SMAP1: variants seen among roughly 807,000 people sequenced by gnomAD.
SMAP1 encodes stromal membrane-associated protein 1.
SMAP1 carries 24 observed loss-of-function variants against 58.5 expected under a neutral mutation model. The ratio of observed to expected loss-of-function variants is 0.41; its 90% CI spans 0.30 to 0.58. The LOEUF is 0.58. Ranked by LOEUF, SMAP1 falls within the 20% of genes least tolerant of loss-of-function variation. The probability of loss-of-function intolerance (pLI) is 0.29; values close to 1 mark genes in which losing one functional copy is unlikely to be tolerated. For missense variants in SMAP1, 563 were observed against 566.3 expected, an observed-to-expected ratio of 0.99 and a Z score of 0.06; for synonymous variants, 216 against 196.6, an observed-to-expected ratio of 1.10 and a Z score of -0.82.
At chr6:70,678,500 TAACAG>T (rs1277688693) in intron 1 of SMAP1, among the ~76,000 whole-genome samples, 1 of 152,222 alleles carries the variant, frequency 6.6e-6, no homozygotes, top group Non-Finnish European at 1.5e-5. Context: ...ACAAAAAAAT[TAACAG>T]AAGAATGTTT....
chr6:70,752,184 A>G (rs1337177340), intron 2 of SMAP1, among the ~76,000 whole-genome samples: 2 of 152,190 alleles, frequency 1.3e-5, no homozygotes, highest in Admixed American at 6.5e-5. Context: ...CTAATGCATT[A>G]TATTAACCAG....
intron 2 of SMAP1, among the ~76,000 whole-genome samples, chr6:70,746,335 G>A (rs560663083): frequency 6.6e-6 from 1 of 152,134 alleles, no homozygotes; most frequent in East Asian, 1.9e-4. Flanking sequence ...TTATTATTTT[G>A]AGATACATTC....
At chr6:70,675,670 A>G (rs983268361) in intron 1 of SMAP1, among the ~76,000 whole-genome samples, 2 of 152,040 alleles carry the variant, frequency 1.3e-5, no homozygotes, top group East Asian at 1.9e-4. Flanking sequence ...AAAAAAAGAA[A>G]AAAACAACTT....
chr6:70,675,575 C>T (rs560633342), intron 1 of SMAP1, among the ~76,000 whole-genome samples: 6 of 150,810 alleles, frequency 4.0e-5, no homozygotes, highest in African/African-American at 9.8e-5. Context: ...CACTTGAAAC[C>T]GGAATGCGGA....
At chr6:70,755,735 G>A (rs1054332934) in intron 3 of SMAP1, among the ~76,000 whole-genome samples, 4 of 151,930 alleles carry the variant, frequency 2.6e-5, no homozygotes, top group Non-Finnish European at 4.4e-5. Flanking sequence ...GAAAGTATAT[G>A]CTGTTTATTA....
chr6:70,788,468 A>G (rs1768179861), intron 4 of SMAP1, among the ~76,000 whole-genome samples: 1 of 151,980 alleles, frequency 6.6e-6, no homozygotes, highest in African/African-American at 2.4e-5. Flanking sequence ...ATAAAAAATA[A>G]AATAAAAAAA....
At chr6:70,748,754 C>CTT (rs1766152352) in intron 2 of SMAP1, among the ~76,000 whole-genome samples, 1 of 151,954 alleles carries the variant, frequency 6.6e-6, no homozygotes, top group African/African-American at 2.4e-5. Context: ...ATGGTACAAA[C>CTT]TTTAAAGGGG....
intron 1 of SMAP1, among the ~76,000 whole-genome samples, chr6:70,669,082 G>A (rs1766157619): frequency 6.6e-6 from 1 of 151,934 alleles, no homozygotes; most frequent in Non-Finnish European, 1.5e-5. Context: ...TATGTTTAAT[G>A]TCTTGTAAGT....
intron 1 of SMAP1, among the ~76,000 whole-genome samples, chr6:70,669,535 C>T (rs753370317): frequency 9.2e-5 from 14 of 152,182 alleles, no homozygotes; most frequent in Non-Finnish European, 1.8e-4. Context: ...TTTACAAAGT[C>T]CGTGCCTGGT....
At chr6:70,834,495 G>C (rs1324974490) in intron 6 of SMAP1, among the ~76,000 whole-genome samples, 2 of 152,104 alleles carry the variant, frequency 1.3e-5, no homozygotes, top group Non-Finnish European at 2.9e-5. Flanking sequence ...TGTTTGGCCA[G>C]ATTTTCTAAG....
At chr6:70,833,580 T>G (rs1770449276) in intron 6 of SMAP1, among the ~76,000 whole-genome samples, 1 of 152,202 alleles carries the variant, frequency 6.6e-6, no homozygotes, top group African/African-American at 2.4e-5. Flanking sequence ...ACATTTCTCA[T>G]TCATAATCTG....
chr6:70,733,867 A>T (rs1765521985), intron 2 of SMAP1, among the ~76,000 whole-genome samples: 1 of 152,164 alleles, frequency 6.6e-6, no homozygotes, highest in South Asian at 2.1e-4. Flanking sequence ...TTTCTCAATT[A>T]GGTTGTTGAG....
chr6:70,827,435 G>T (rs1397198694), intron 6 of SMAP1, among the ~76,000 whole-genome samples: 2 of 152,164 alleles, frequency 1.3e-5, no homozygotes, highest in Non-Finnish European at 2.9e-5. Context: ...TGAATTAATG[G>T]TCTTCTGTTG....
chr6:70,854,471 A>C (rs750273346), intron 8 of SMAP1, among the ~76,000 whole-genome samples: 3 of 152,024 alleles, frequency 2.0e-5, no homozygotes, highest in Non-Finnish European at 2.9e-5. Context: ...AAAATACAAA[A>C]ATTAGCTGGG....
intron 6 of SMAP1, among the ~76,000 whole-genome samples, chr6:70,835,251 CAAAAAA>C (rs778677881): frequency 1.7e-5 from 1 of 57,950 alleles, no homozygotes; most frequent in East Asian, 5.4e-4. Flanking sequence ...GACTCCGTCT[CAAAAAA>C]AAAAAAAAAA....
Position 70,773,431 on chromosome 6 carries a change from TAAA to T in SMAP1, c.414+8_414+10del, listed in dbSNP as rs570193792. The T allele has an allele frequency of 2.7e-6, 4 of 1,494,996 alleles. No homozygotes were observed. Among genetic ancestry groups the T allele is most frequent in the Non-Finnish European group, 2.8e-6 (3 of 1,085,758 alleles). 92.6% of individuals were successfully genotyped at this position (1,494,996 alleles called of 1,614,324 possible). A position where few individuals can be genotyped will look rare whatever the true frequency, so the allele number is the denominator to read the frequency against. Reference sequence around the variant, plus strand: ...ATGCCATAGCTATTACAAATGTAAGTAAAACCTTCATCTCTCATCAATTGTTTG... The same window carrying T: ...ATGCCATAGCTATTACAAATGTAAGTACCTTCATCTCTCATCAATTGTTTG... On this transcript the variant is annotated splice_region_variant and intron_variant, in intron 4 of 10. Coordinates refer to ENST00000370455, the MANE Select transcript of SMAP1 (RefSeq NM_001044305.3).
intron 4 of SMAP1, 105 bp from the exon 5 acceptor site, chr6:70,791,584 T>C: frequency 2.3e-6 from 2 of 860,892 alleles, no homozygotes; most frequent in South Asian, 3.5e-5. Flanking sequence ...TCTAAGTGCT[T>C]CTATATCTCA....
At chr6:70,677,186 T>TG (rs892289817) in intron 1 of SMAP1, among the ~76,000 whole-genome samples, 6 of 148,712 alleles carry the variant, frequency 4.0e-5, no homozygotes, top group African/African-American at 1.5e-4. Context: ...TATAATTTTT[T>TG]TTTTTTTTTT....
intron 4 of SMAP1, among the ~76,000 whole-genome samples, chr6:70,776,192 CT>C (rs940905702): frequency 1.3e-5 from 2 of 151,166 alleles, no homozygotes; most frequent in Non-Finnish European, 3.0e-5. Flanking sequence ...TTTTTCTTTT[CT>C]TTTTTTTTGA....
Sources: allele counts gnomAD v4.1 joint callset (sites outside exome capture counted in the v4.1 genomes callset), GRCh38; gene constraint gnomAD v4.1.1; transcripts MANE v1.5; gene names NCBI Gene and HGNC (gene_info 2026-07-23, HGNC 2026-07-21).